CDH6: variants seen among roughly 807,000 people sequenced by gnomAD.
CDH6 encodes the protein cadherin-6.
In CDH6, 31 loss-of-function variants were observed where a neutral mutation model predicts 78.0. That is an observed-to-expected ratio of 0.40 (90% CI 0.30 to 0.54). The LOEUF is 0.54. Ranked by LOEUF, CDH6 falls within the 20% of genes least tolerant of loss-of-function variation. The pLI, the probability that CDH6 is intolerant of heterozygous loss-of-function variation, is 0.56. For missense variants in CDH6, 724 were observed against 975.9 expected, an observed-to-expected ratio of 0.74 and a Z score of 3.44; for synonymous variants, 376 against 368.8, an observed-to-expected ratio of 1.02 and a Z score of -0.23.
At chr5:31,307,700 C>T (rs1351563448) in intron 7 of CDH6, among the ~76,000 whole-genome samples, 3 of 152,144 alleles carry the variant, frequency 2.0e-5, no homozygotes, top group African/African-American at 7.2e-5. Flanking sequence ...GTATCAAATT[C>T]AATTTGAAAG....
chr5:31,214,404 A>G (rs183579397), intron 1 of CDH6, among the ~76,000 whole-genome samples: 19 of 152,284 alleles, frequency 1.2e-4, no homozygotes, highest in African/African-American at 3.4e-4. Flanking sequence ...CCAACCTCCA[A>G]CTAGGGGATT....
intron 7 of CDH6, among the ~76,000 whole-genome samples, chr5:31,309,742 G>A (rs577544478): frequency 6.6e-6 from 1 of 152,182 alleles, no homozygotes; most frequent in Non-Finnish European, 1.5e-5. Context: ...TGGCCGAGAG[G>A]CCTCAGGAAA....
intron 1 of CDH6, among the ~76,000 whole-genome samples, chr5:31,254,344 GA>G (rs1561044225): frequency 1.3e-5 from 2 of 152,110 alleles, no homozygotes; most frequent in South Asian, 2.1e-4. Context: ...AATAAGGAAA[GA>G]AAAAAAATTG....
intron 2 of CDH6, among the ~76,000 whole-genome samples, chr5:31,278,127 T>G (rs546120301): frequency 6.6e-6 from 1 of 152,314 alleles, no homozygotes; most frequent in East Asian, 1.9e-4. Flanking sequence ...CCCAATTGAT[T>G]GATGCAATGG....
At chr5:31,260,635 C>T (rs1386598898) in intron 1 of CDH6, among the ~76,000 whole-genome samples, 1 of 152,234 alleles carries the variant, frequency 6.6e-6, no homozygotes, top group East Asian at 1.9e-4. Flanking sequence ...TCTGGAAATA[C>T]ATCAGTTTGC....
chr5:31,258,874 C>A (rs1742130666), intron 1 of CDH6, among the ~76,000 whole-genome samples: 1 of 152,182 alleles, frequency 6.6e-6, no homozygotes, highest in African/African-American at 2.4e-5. Context: ...ATGTGGGCAG[C>A]AGCCTGGCAC....
intron 1 of CDH6, among the ~76,000 whole-genome samples, chr5:31,199,898 C>T (rs1468962446): frequency 1.3e-5 from 2 of 151,870 alleles, no homozygotes; most frequent in Non-Finnish European, 2.9e-5. Context: ...CCCTACTATA[C>T]TTGTATCCTC....
At chr5:31,241,202 T>C (rs572101865) in intron 1 of CDH6, among the ~76,000 whole-genome samples, 1 of 152,340 alleles carries the variant, frequency 6.6e-6, no homozygotes, top group South Asian at 2.1e-4. Context: ...ATCAATACTC[T>C]CTGTGTGGCT....
intron 1 of CDH6, among the ~76,000 whole-genome samples, chr5:31,222,931 T>G (rs1741041722): frequency 2.0e-5 from 3 of 152,156 alleles, no homozygotes; most frequent in African/African-American, 4.8e-5. Context: ...AGTTCTCACT[T>G]TTTTGAGACG....
rs570659841 is a variant in CDH6 at position 31,214,093 on chromosome 5, A to C, written c.-129+20207A>C. ...TGTTGAAACGGCAATGATTTACCAG[A>C]GGGGGCCTTGATGACCAGAAAGGTG... On this transcript the variant is annotated intron_variant, in intron 1 of 11. Coordinates refer to ENST00000265071, the MANE Select transcript of CDH6 (RefSeq NM_004932.4). 5.5e-5 allele frequency among the ~76,000 whole-genome samples: 8 copies of C among 145,704 alleles called. No individual in the cohort carries two copies. The East Asian group carries it at 1.4e-3, about 26-fold the overall frequency.
chr5:31,305,029 G>A (rs995143558), intron 6 of CDH6, 145 bp from the exon 7 acceptor site: 1 of 796,228 alleles, frequency 1.3e-6, no homozygotes, highest in African/African-American at 1.7e-5. Flanking sequence ...TTCTCCCTTT[G>A]CCCAATATCA....
At position 31,317,880 on chromosome 5, in the gene CDH6, C is replaced by A. The variant is rs1022421171; in HGVS notation, c.1838C>A (p.Thr613Lys). ...CTCATCCACCCCACGGGACTGAGCA[C>A]GGGGGCTCTGGTTGCCATCCTTCTG... Reference protein sequence around the residue: ...EALIHPTGLSTGALVAILLCI... With the variant: ...EALIHPTGLSKGALVAILLCI... The change falls in exon 11 of 12, where the codon ACG (threonine) becomes AAG (lysine). Residue 613 changes from threonine (T) to lysine (K), a missense_variant. Thr to Lys is a moderately conservative substitution (Grantham distance 78). Around this residue, in one of 3 missense-constraint regions of CDH6, gnomAD observed 220 missense variants for 240.6 expected, o/e 0.91. Transcript: ENST00000265071. 9 of 1,613,860 alleles carry A rather than the reference C, an allele frequency of 5.6e-6. No homozygotes were observed. The highest frequency in any genetic ancestry group is 1.1e-5 in the South Asian group (1 of 91,080).
At chr5:31,239,317 A>G (rs1326103218) in intron 1 of CDH6, among the ~76,000 whole-genome samples, 2 of 152,210 alleles carry the variant, frequency 1.3e-5, no homozygotes, top group African/African-American at 4.8e-5. Flanking sequence ...CACAGAAGAA[A>G]TAGAAACTGG....
chr5:31,223,690 T>C (rs1312339410), intron 1 of CDH6, among the ~76,000 whole-genome samples: 3 of 152,204 alleles, frequency 2.0e-5, no homozygotes, highest in Non-Finnish European at 4.4e-5. Context: ...TGGGCATCAG[T>C]GGATGAAAGG....
In CDH6 at chr5:31,198,553, T is replaced by C. The variant is rs1442113407; in HGVS notation, c.-129+4667T>C. On this transcript the variant is annotated intron_variant, in intron 1 of 11. Transcript: ENST00000265071. ...GAAAGAACACTGTGTTTTCTCTTTC[T>C]CTAATTTCCTAAATTGGTAGGTCTG... 2.0e-5 allele frequency among the ~76,000 whole-genome samples: 3 copies of C among 152,254 alleles called. No individual in the cohort carries two copies. In the East Asian group the frequency reaches 5.8e-4, roughly 29 times the overall value.
intron 8 of CDH6, among the ~76,000 whole-genome samples, chr5:31,314,469 A>G (rs1016814194): frequency 6.6e-6 from 1 of 151,890 alleles, no homozygotes; most frequent in African/African-American, 2.4e-5. Context: ...ATAGTTTATT[A>G]CATTTGTATT....
At chr5:31,277,110 C>T (rs759659463) in intron 2 of CDH6, among the ~76,000 whole-genome samples, 29 of 152,152 alleles carry the variant, frequency 1.9e-4, no homozygotes, top group South Asian at 1.0e-3. Context: ...AACAGCAATT[C>T]GGGGCATGAG....
intron 1 of CDH6, among the ~76,000 whole-genome samples, chr5:31,258,854 A>G (rs1452951582): frequency 6.6e-6 from 1 of 152,172 alleles, no homozygotes; most frequent in African/African-American, 2.4e-5. Context: ...AACTAGATTG[A>G]GCACTTGTCA....
intron 4 of CDH6, among the ~76,000 whole-genome samples, chr5:31,298,749 G>A (rs1324290103): frequency 1.3e-5 from 2 of 152,166 alleles, no homozygotes; most frequent in Non-Finnish European, 2.9e-5. Context: ...CCTAACAACA[G>A]AGATAAATTT....
Sources: gnomAD v4.1 joint callset for allele counts (sites outside exome capture counted in the v4.1 genomes callset) on GRCh38, gnomAD v4.1.1 for gene constraint, gnomAD v4.1.1 regional missense constraint, MANE v1.5 for transcripts, NCBI Gene and HGNC (gene_info 2026-07-23, HGNC 2026-07-21) for gene names.